The following DNAH14 variants were observed in gnomAD, a reference collection of about 807,000 sequenced individuals.
DNAH14 encodes the protein dynein axonemal heavy chain 14.
A neutral mutation model predicts 520.9 loss-of-function variants in DNAH14; 478 were observed. The observed-to-expected ratio is 0.92, with a 90% CI of 0.85 to 0.99. DNAH14 has a LOEUF of 0.99. Among genes scored for constraint, DNAH14 ranks in the 50% least tolerant of loss-of-function variants. DNAH14 has a pLI of 0.00. For missense variants in DNAH14, 4,831 were observed against 5,234.5 expected, an observed-to-expected ratio of 0.92 and a Z score of 2.38; for synonymous variants, 1,581 against 1,757.2, an observed-to-expected ratio of 0.90 and a Z score of 2.51.
At chr1:225,302,487 C>G (rs1286720574) in intron 56 of DNAH14, among the ~76,000 whole-genome samples, 1 of 152,168 alleles carries the variant, frequency 6.6e-6, no homozygotes, top group Non-Finnish European at 1.5e-5. Context: ...TTAAAGGGAA[C>G]ACTAAGTCAC....
chr1:225,077,260 A>T (rs1455379427), intron 17 of DNAH14, among the ~76,000 whole-genome samples: 2 of 152,110 alleles, frequency 1.3e-5, no homozygotes, highest in Non-Finnish European at 2.9e-5. Context: ...AAATTGATAG[A>T]TTTACCTTAC....
At chr1:225,352,374 C>T (rs2095377433) in intron 72 of DNAH14, among the ~76,000 whole-genome samples, 1 of 152,106 alleles carries the variant, frequency 6.6e-6, no homozygotes. Context: ...TTTCCTTCCA[C>T]ATTTTTCTCT....
intron 31 of DNAH14, among the ~76,000 whole-genome samples, chr1:225,147,663 G>A (rs2080077387): frequency 6.6e-6 from 1 of 151,676 alleles, no homozygotes; most frequent in African/African-American, 2.4e-5. Context: ...TAAGTTCAGG[G>A]GCACATGTGC....
rs183744445 is a variant in DNAH14 at position 225,094,173 on chromosome 1, C to T, written c.3574-2945C>T. 1.3e-3 allele frequency among the ~76,000 whole-genome samples: 201 copies of T among 152,176 alleles called. 2 individuals are homozygous for T. The highest frequency in any genetic ancestry group is 0.012 in the Admixed American group (181 of 15,270). The stretch of plus-strand genomic sequence containing the variant: ...CAAAAAAGAGCCCAAATAGCCAAGT[C>T]AATACTAAGCAAAAGAACAAAGCTG... On this transcript the variant is annotated intron_variant, in intron 21 of 85. Coordinates refer to ENST00000682510, the MANE Select transcript of DNAH14 (RefSeq NM_001367479.1).
At chr1:225,281,369 C>T (rs2093623739) in intron 54 of DNAH14, among the ~76,000 whole-genome samples, 1 of 152,128 alleles carries the variant, frequency 6.6e-6, no homozygotes, top group Non-Finnish European at 1.5e-5. Context: ...TGATCAAAGC[C>T]AGGAAAGATT....
At position 224,942,820 on chromosome 1, in the gene DNAH14, A is replaced by G. The variant is rs191278447; in HGVS notation, c.-33-9850A>G. Among the ~76,000 whole-genome samples, 32 of 152,236 alleles carry G rather than the reference A, an allele frequency of 2.1e-4. No individual in the cohort carries two copies. The East Asian group carries it at 3.1e-3, about 15-fold the overall frequency. On this transcript the variant is annotated intron_variant, in intron 1 of 85. Coordinates refer to ENST00000682510, the MANE Select transcript of DNAH14 (RefSeq NM_001367479.1). ...CTGGATTACATTTATTGATTTGTGT[A>G]TGTTGAACCAGCCTTGCATCCCAGG... is the stretch of plus-strand genomic sequence containing the variant.
At chr1:225,036,896 G>A (rs1246290130) in intron 11 of DNAH14, among the ~76,000 whole-genome samples, 1 of 152,002 alleles carries the variant, frequency 6.6e-6, no homozygotes, top group Non-Finnish European at 1.5e-5. Flanking sequence ...TTTTATATCT[G>A]TGTGCTCCAG....
intron 15 of DNAH14, among the ~76,000 whole-genome samples, chr1:225,046,820 T>C (rs2128267): frequency 0.055 from 8,382 of 152,256 alleles, 473 homozygotes; most frequent in East Asian, 0.24. Context: ...TTACTGTTAT[T>C]TATTTTGTTG....
At chr1:225,041,486 T>C (rs1436188808) in intron 12 of DNAH14, among the ~76,000 whole-genome samples, 1 of 152,204 alleles carries the variant, frequency 6.6e-6, no homozygotes, top group Non-Finnish European at 1.5e-5. Context: ...ACTACAAAAA[T>C]ATTTTCAGGC....
intron 1 of DNAH14, among the ~76,000 whole-genome samples, chr1:224,933,207 G>A (rs1441470514): frequency 6.6e-6 from 1 of 151,794 alleles, no homozygotes; most frequent in Non-Finnish European, 1.5e-5. Context: ...TAGATTGCCT[G>A]CTTGATTTAT....
intron 23 of DNAH14, among the ~76,000 whole-genome samples, chr1:225,113,741 T>A (rs1329288498): frequency 6.6e-6 from 1 of 151,478 alleles, no homozygotes; most frequent in Non-Finnish European, 1.5e-5. Flanking sequence ...GGCAGAGGAG[T>A]CTTTCTCCAT....
chr1:225,049,217 G>A (rs149052507), intron 15 of DNAH14, among the ~76,000 whole-genome samples: 5 of 151,286 alleles, frequency 3.3e-5, no homozygotes. Flanking sequence ...CCACCACCAC[G>A]CCCAGCTAAT....
At chr1:225,076,790 A>G (rs1347450754) in intron 17 of DNAH14, among the ~76,000 whole-genome samples, 2 of 151,950 alleles carry the variant, frequency 1.3e-5, no homozygotes, top group Admixed American at 1.3e-4. Context: ...GTTAAATAAA[A>G]TACCTTCTTT....
chr1:225,201,466 T>G (rs1362899230), intron 38 of DNAH14, among the ~76,000 whole-genome samples: 1 of 152,152 alleles, frequency 6.6e-6, no homozygotes, highest in African/African-American at 2.4e-5. Flanking sequence ...CAGAGTTGGT[T>G]TTCTGGTTCT....
At chr1:225,012,687 CTTCACACTT>C (rs2064888585) in intron 10 of DNAH14, among the ~76,000 whole-genome samples, 1 of 152,142 alleles carries the variant, frequency 6.6e-6, no homozygotes, top group Non-Finnish European at 1.5e-5. Flanking sequence ...CTAGGCTTGT[CTTCACACTT>C]TATTTCATTA....
chr1:225,204,386 T>TG, intron 39 of DNAH14, 113 bp downstream of exon 39: 1 of 617,374 alleles, frequency 1.6e-6, no homozygotes. Context: ...ATTTTGTTCC[T>TG]GTACCATTTA....
intron 34 of DNAH14, among the ~76,000 whole-genome samples, chr1:225,157,261 T>A (rs527259415): frequency 5.8e-4 from 88 of 152,266 alleles, no homozygotes; most frequent in Middle Eastern, 3.4e-3. Flanking sequence ...AGAATTAACA[T>A]CTCTCCAAGT....
At chr1:225,052,550 T>C (rs1407489383) in intron 17 of DNAH14, among the ~76,000 whole-genome samples, 2 of 152,188 alleles carry the variant, frequency 1.3e-5, no homozygotes, top group East Asian at 3.8e-4. Flanking sequence ...CCAGGCATTG[T>C]ACTAGGCCCC....
chr1:225,234,568 C>A (rs1191881742), intron 42 of DNAH14, among the ~76,000 whole-genome samples: 1 of 152,010 alleles, frequency 6.6e-6, no homozygotes, highest in African/African-American at 2.4e-5. Context: ...GTATTTTTTT[C>A]TAGTTCTGTG....
Sources: allele counts gnomAD v4.1 joint callset (sites outside exome capture counted in the v4.1 genomes callset), GRCh38; gene constraint gnomAD v4.1.1; transcripts MANE v1.5; gene names NCBI Gene and HGNC (gene_info 2026-07-23, HGNC 2026-07-21).